The following SYN3 variants were observed in gnomAD, a reference collection of about 807,000 sequenced individuals.
The protein encoded by SYN3 is synapsin-3.
In SYN3, 35 loss-of-function variants were observed where a neutral mutation model predicts 65.8. That is an observed-to-expected ratio of 0.53 (90% confidence interval 0.41 to 0.70). SYN3 has a LOEUF of 0.70. Ranked by LOEUF, SYN3 falls within the 30% of genes least tolerant of loss-of-function variation. The pLI is 0.00. For missense variants in SYN3, 680 were observed against 749.0 expected (o/e 0.91, Z 1.08); for synonymous variants, 270 against 292.9 (o/e 0.92, Z 0.80).
At chr22:32,808,895 C>A (rs1444498021) in intron 6 of SYN3, among the ~76,000 whole-genome samples, 1 of 152,178 alleles carries the variant, frequency 6.6e-6, no homozygotes, top group Non-Finnish European at 1.5e-5. Flanking sequence ...TGCGTGCCAC[C>A]CAGAGGGATA....
In SYN3 at chr22:32,556,803, G is replaced by GTTTTTTTTTTTTTTTTTTTTT. The variant is rs1491135400; in HGVS notation, c.775-15091_775-15090insAAAAAAAAAAAAAAAAAAAAA. Among the ~76,000 whole-genome samples the GTTTTTTTTTTTTTTTTTTTTT allele has an allele frequency of 5.4e-4, 19 of 35,260 alleles. 6 individuals carry two copies. The highest frequency in any genetic ancestry group is 6.7e-4 in the Non-Finnish European group (12 of 17,878). 23.1% of individuals were successfully genotyped at this position (35,260 alleles called of 152,430 possible). On this transcript the variant is annotated intron_variant, in intron 7 of 13. Coordinates refer to ENST00000358763, the MANE Select transcript of SYN3 (RefSeq NM_003490.4). ...CAATGACCCAATCTATAGGTTTCCT[G>GTTTTTTTTTTTTTTTTTTTTT]GTTTTTTTTTTTTTTTTTTTTTTTT... is the stretch of plus-strand genomic sequence containing the variant.
At chr22:32,523,403 C>G (rs1481194109) in intron 12 of SYN3, among the ~76,000 whole-genome samples, 6 of 152,144 alleles carry the variant, frequency 3.9e-5, no homozygotes, top group Non-Finnish European at 8.8e-5. Flanking sequence ...GTCCCAGCTA[C>G]CCGGGAGGCT....
chr22:32,683,284 C>T (rs1479308121), intron 6 of SYN3, among the ~76,000 whole-genome samples: 2 of 152,056 alleles, frequency 1.3e-5, no homozygotes, highest in Admixed American at 1.3e-4. Context: ...CATTTTCTGC[C>T]TCTTAATTGC....
At chr22:32,572,383 T>C (rs1601664411) in intron 7 of SYN3, among the ~76,000 whole-genome samples, 81 of 79,210 alleles carry the variant, frequency 1.0e-3, no homozygotes, top group South Asian at 2.6e-3. Flanking sequence ...CCCTCCCATC[T>C]TTCCTTCCTT....
chr22:32,571,600 C>G (rs1418026734), intron 7 of SYN3, among the ~76,000 whole-genome samples: 36 of 152,162 alleles, frequency 2.4e-4, no homozygotes, highest in Admixed American at 2.4e-3. Flanking sequence ...CCTTAATACA[C>G]CTTCAAGTCC....
chr22:32,623,745 A>C (rs1033124594), intron 6 of SYN3, among the ~76,000 whole-genome samples: 1 of 152,208 alleles, frequency 6.6e-6, no homozygotes, highest in Non-Finnish European at 1.5e-5. Context: ...CTCCATCTTC[A>C]TAGGACTTAT....
intron 6 of SYN3, among the ~76,000 whole-genome samples, chr22:32,720,490 T>C (rs2061101565): frequency 6.6e-6 from 1 of 152,230 alleles, no homozygotes; most frequent in East Asian, 1.9e-4. Context: ...TCCTTTTTGC[T>C]ATCCAAGGCC....
intron 7 of SYN3, among the ~76,000 whole-genome samples, chr22:32,549,529 A>G (rs1470953328): frequency 6.6e-6 from 1 of 152,230 alleles, no homozygotes; most frequent in Non-Finnish European, 1.5e-5. Flanking sequence ...CTGGGATTAC[A>G]GACATTAGTC....
At chr22:32,983,064 TTC>T (rs952275713) in intron 2 of SYN3, among the ~76,000 whole-genome samples, 36 of 152,354 alleles carry the variant, frequency 2.4e-4, no homozygotes, top group African/African-American at 8.7e-4. Flanking sequence ...AGTTTCCATT[TTC>T]TCTTTTTGAT....
intron 4 of SYN3, among the ~76,000 whole-genome samples, chr22:32,874,295 T>C (rs2048927176): frequency 6.6e-6 from 1 of 152,192 alleles, no homozygotes; most frequent in Non-Finnish European, 1.5e-5. Context: ...CCGCAGGTTG[T>C]AGCTGGGTTT....
chr22:32,669,156 G>T (rs1414526968), intron 6 of SYN3, among the ~76,000 whole-genome samples: 3 of 152,088 alleles, frequency 2.0e-5, no homozygotes, highest in African/African-American at 4.8e-5. Flanking sequence ...TTGAAACCGG[G>T]TTCTTAGACA....
At chr22:33,040,347 T>C (rs1314790853) in intron 1 of SYN3, among the ~76,000 whole-genome samples, 1 of 152,114 alleles carries the variant, frequency 6.6e-6, no homozygotes, top group African/African-American at 2.4e-5. Flanking sequence ...TGTGGACGAA[T>C]GAAAGGGATG....
intron 6 of SYN3, among the ~76,000 whole-genome samples, chr22:32,779,876 CTGGG>C (rs2045991719): frequency 6.6e-6 from 1 of 152,034 alleles, no homozygotes; most frequent in African/African-American, 2.4e-5. Flanking sequence ...CTGGGATAAC[CTGGG>C]CAGAAAAGCC....
chr22:32,815,492 T>G (rs1451088644), intron 6 of SYN3, among the ~76,000 whole-genome samples: 1 of 152,206 alleles, frequency 6.6e-6, no homozygotes, highest in East Asian at 1.9e-4. Flanking sequence ...ATTATCTCCT[T>G]TAAACTCTCA....
chr22:32,569,555 C>CTGTATA lies in SYN3; in HGVS notation c.774+27118_774+27119insTATACA, dbSNP rs1230609085. On this transcript the variant is annotated intron_variant, in intron 7 of 13. Coordinates refer to ENST00000358763, the MANE Select transcript of SYN3 (RefSeq NM_003490.4). ...TCAATCAATCTCTCTCTCTCTCTCTCTCTCTCTCTCTCTCTCTATATATAT... is the reference window on the plus strand; with the variant it reads ...TCAATCAATCTCTCTCTCTCTCTCTCTGTATATCTCTCTCTCTCTCTCTATATATAT... Among the ~76,000 whole-genome samples the CTGTATA allele has an allele frequency of 7.3e-3, 801 of 109,686 alleles. 12 individuals carry two copies. The highest frequency in any genetic ancestry group is 0.026 in the African/African-American group (751 of 28,700). 72.0% of individuals were successfully genotyped at this position (109,686 alleles called of 152,430 possible).
chr22:32,855,288 G>A (rs1295617134), intron 6 of SYN3, among the ~76,000 whole-genome samples: 4 of 152,284 alleles, frequency 2.6e-5, no homozygotes, highest in African/African-American at 7.2e-5. Flanking sequence ...ATCACAAAGC[G>A]GACTCAGCTT....
At chr22:32,946,207 A>C (rs2051104150) in intron 3 of SYN3, among the ~76,000 whole-genome samples, 1 of 152,210 alleles carries the variant, frequency 6.6e-6, no homozygotes, top group South Asian at 2.1e-4. Flanking sequence ...TACCCAAAGG[A>C]CTATAAATCA....
chr22:32,720,648 G>A (rs2061104211), intron 6 of SYN3, among the ~76,000 whole-genome samples: 1 of 152,230 alleles, frequency 6.6e-6, no homozygotes, highest in Non-Finnish European at 1.5e-5. Flanking sequence ...TGTGCTAACT[G>A]GCTGGAGGAA....
At chr22:32,737,522 G>A (rs2061350444) in intron 6 of SYN3, among the ~76,000 whole-genome samples, 1 of 151,106 alleles carries the variant, frequency 6.6e-6, no homozygotes, top group African/African-American at 2.4e-5. Flanking sequence ...GTGTCCATGT[G>A]TTCTCACTGT....
Sources: gnomAD v4.1 joint callset for allele counts (sites outside exome capture counted in the v4.1 genomes callset) on GRCh38, gnomAD v4.1.1 for gene constraint, MANE v1.5 for transcripts, NCBI Gene and HGNC (gene_info 2026-07-23, HGNC 2026-07-21) for gene names.